The following PDE4B variants were observed in gnomAD, a reference collection of about 807,000 sequenced individuals.
PDE4B encodes phosphodiesterase 4B.
PDE4B carries 20 observed loss-of-function variants against 82.2 expected under a neutral mutation model. The observed-to-expected ratio is 0.24, with a 90% CI of 0.17 to 0.35. The LOEUF (loss-of-function observed/expected upper bound fraction) is 0.35, where lower values mean the gene tolerates loss of function less well. Among genes scored for constraint, PDE4B ranks in the 10% least tolerant of loss-of-function variants. The pLI, the probability that PDE4B is intolerant of heterozygous loss-of-function variation, is 1.00. For missense variants in PDE4B, 655 were observed against 907.2 expected, an observed-to-expected ratio of 0.72 and a Z score of 3.57; for synonymous variants, 320 against 318.9, an observed-to-expected ratio of 1.00 and a Z score of -0.04.
chr1:66,319,687 G>A (rs1481466611), intron 7 of PDE4B, among the ~76,000 whole-genome samples: 2 of 152,140 alleles, frequency 1.3e-5, no homozygotes, highest in South Asian at 4.1e-4. Flanking sequence ...AAAATTCCCT[G>A]AGCTTCATCA....
chr1:65,797,352 G>A (rs1415619156), intron 1 of PDE4B, among the ~76,000 whole-genome samples: 3 of 152,200 alleles, frequency 2.0e-5, no homozygotes, highest in Non-Finnish European at 2.9e-5. Context: ...TCTCATTCAA[G>A]TTGTGGTCAT....
chr1:66,231,705 G>C (rs1222979090), intron 3 of PDE4B, among the ~76,000 whole-genome samples: 2 of 152,188 alleles, frequency 1.3e-5, no homozygotes, highest in African/African-American at 2.4e-5. Context: ...TTTAAAAACA[G>C]GTGTTTAAAT....
intron 3 of PDE4B, among the ~76,000 whole-genome samples, chr1:66,190,192 G>T (rs995895398): frequency 1.3e-5 from 2 of 152,144 alleles, no homozygotes; most frequent in African/African-American, 4.8e-5. Flanking sequence ...CATTCCTCTG[G>T]AAGTTTTGTC....
chr1:66,052,500 G>T (rs1655087060), intron 3 of PDE4B, among the ~76,000 whole-genome samples: 1 of 151,622 alleles, frequency 6.6e-6, no homozygotes, highest in South Asian at 2.1e-4. Context: ...CCATGCCAGG[G>T]CTTAGAACAC....
chr1:65,974,991 G>A (rs893311706), intron 3 of PDE4B, among the ~76,000 whole-genome samples: 7 of 152,192 alleles, frequency 4.6e-5, no homozygotes, highest in African/African-American at 1.4e-4. Flanking sequence ...AAATGTGGAA[G>A]CAACTTTTGT....
intron 1 of PDE4B, among the ~76,000 whole-genome samples, chr1:65,849,759 A>G (rs933147136): frequency 6.6e-6 from 1 of 152,208 alleles, no homozygotes; most frequent in African/African-American, 2.4e-5. Context: ...CTGATGCAAG[A>G]AACATACCAG....
intron 1 of PDE4B, among the ~76,000 whole-genome samples, chr1:65,813,331 G>A (rs1203042795): frequency 6.6e-6 from 1 of 152,116 alleles, no homozygotes; most frequent in Admixed American, 6.5e-5. Flanking sequence ...TTAATTAATT[G>A]GGGGAATTGA....
chr1:66,016,664 G>A lies in PDE4B; in HGVS notation c.281+97829G>A, dbSNP rs141734584. 5.4e-3 allele frequency among the ~76,000 whole-genome samples: 826 copies of A among 152,306 alleles called. 4 individuals are homozygous for A. The highest frequency in any genetic ancestry group is 0.019 in the African/African-American group (783 of 41,566). On this transcript the variant is annotated intron_variant, in intron 3 of 16. Transcript: ENST00000341517. Reference sequence around the variant, plus strand: ...TAAGGAAATGTCTTAGCTAAGAGATGCAATATATGAGAGATAAGAAATGCA... The same window carrying A: ...TAAGGAAATGTCTTAGCTAAGAGATACAATATATGAGAGATAAGAAATGCA...
chr1:65,900,096 T>TAATATTTA (rs1326780193), intron 1 of PDE4B, among the ~76,000 whole-genome samples: 1 of 152,156 alleles, frequency 6.6e-6, no homozygotes, highest in Non-Finnish European at 1.5e-5. Context: ...GTTTGAGGTT[T>TAATATTTA]AATATTTAAA....
chr1:66,038,949 A>G (rs997869738), intron 3 of PDE4B, among the ~76,000 whole-genome samples: 1 of 152,084 alleles, frequency 6.6e-6, no homozygotes, highest in Non-Finnish European at 1.5e-5. Context: ...TGTGTATCTC[A>G]GAAGTCCTAT....
chr1:65,869,483 A>G (rs1646548673), intron 1 of PDE4B, among the ~76,000 whole-genome samples: 1 of 152,250 alleles, frequency 6.6e-6, no homozygotes, highest in South Asian at 2.1e-4. Flanking sequence ...TGTGTGTATT[A>G]TAGACACAAG....
intron 1 of PDE4B, among the ~76,000 whole-genome samples, chr1:65,825,740 A>ATCTATCTATCTG (rs1557766182): frequency 8.6e-5 from 13 of 151,694 alleles, no homozygotes; most frequent in African/African-American, 2.7e-4. Context: ...CTATCTATCT[A>ATCTATCTATCTG]TCTATCTATC....
chr1:65,936,553 A>G (rs1648149347), intron 3 of PDE4B, among the ~76,000 whole-genome samples: 2 of 152,036 alleles, frequency 1.3e-5, no homozygotes, highest in African/African-American at 2.4e-5. Context: ...GGTGGAGATC[A>G]GTTGTTGTTA....
rs1662985188 is a variant in PDE4B, at chr1:66,363,549, T to C, written c.1262T>C (p.Leu421Pro). ...GATGTAGCCCAGTCGACCCATGTTC[T>C]CCTTTCTACACCAGCATTAGACGTG... ...AADVAQSTHV[L>P]LSTPALDAVF... The change falls in exon 12 of 17, where the codon CTC becomes CCC. Residue 421 changes from leucine to proline, a missense_variant. Transcript: ENST00000341517. 6.2e-7 allele frequency: 1 copy of C among 1,612,728 alleles called. No homozygotes were observed. The highest frequency in any genetic ancestry group is 8.5e-7 in the Non-Finnish European group (1 of 1,179,532).
At chr1:65,902,086 G>A (rs1381144956) in intron 1 of PDE4B, among the ~76,000 whole-genome samples, 2 of 151,918 alleles carry the variant, frequency 1.3e-5, no homozygotes, top group South Asian at 4.2e-4. Context: ...CCATGTCATT[G>A]TGTGGTTTTG....
At chr1:66,349,481 A>G (rs1205076275) in intron 8 of PDE4B, among the ~76,000 whole-genome samples, 1 of 152,190 alleles carries the variant, frequency 6.6e-6, no homozygotes, top group Non-Finnish European at 1.5e-5. Flanking sequence ...TGGCACACCA[A>G]AGGTTTGCTG....
intron 3 of PDE4B, among the ~76,000 whole-genome samples, chr1:66,233,109 C>T (rs1334826734): frequency 6.6e-6 from 1 of 152,124 alleles, no homozygotes; most frequent in African/African-American, 2.4e-5. Flanking sequence ...AAAAGTTTCC[C>T]TTTGCAACCC....
rs1651301512 is a variant in PDE4B at position 65,992,517 on chromosome 1, A to G, written c.281+73682A>G. The G allele has an allele frequency of 1.8e-5, 3 of 163,854 alleles. No homozygotes were observed. In the South Asian group the frequency reaches 5.7e-4, roughly 31 times the overall value. The allele number at this position is 163,854 out of a possible 1,614,324, so 10.2% of individuals were successfully genotyped here. On this transcript the variant is annotated intron_variant, in intron 3 of 16. Transcript: ENST00000341517. ...CATTAGTGAATGCAGCTTGTTTAATAAGATTTTTTTTAAAAAAATGCATGT... is the reference window on the plus strand; with the variant it reads ...CATTAGTGAATGCAGCTTGTTTAATGAGATTTTTTTTAAAAAAATGCATGT...
chr1:66,174,687 T>C (rs1298695699), intron 3 of PDE4B, among the ~76,000 whole-genome samples: 2 of 151,168 alleles, frequency 1.3e-5, no homozygotes, highest in Non-Finnish European at 2.9e-5. Context: ...ACCTGGGAGG[T>C]GGAGGTTGCA....
Sources: gnomAD v4.1 joint callset for allele counts (sites outside exome capture counted in the v4.1 genomes callset) on GRCh38, gnomAD v4.1.1 for gene constraint, MANE v1.5 for transcripts, NCBI Gene and HGNC (gene_info 2026-07-23, HGNC 2026-07-21) for gene names.